The following KIR2DL3 variants were observed in gnomAD, a reference collection of about 807,000 sequenced individuals.
The protein encoded by KIR2DL3 is killer cell immunoglobulin like receptor, two Ig domains and long cytoplasmic tail 3.
Under a neutral mutation model 33.8 loss-of-function variants are expected in KIR2DL3, and 39 were observed. The ratio of observed to expected loss-of-function variants is 1.15; its 90% CI spans 0.89 to 1.51. The LOEUF is 1.51. KIR2DL3 is among the 40% of genes most tolerant of loss of function. KIR2DL3 has a pLI of 0.00. For synonymous variants in KIR2DL3, 174 were observed against 160.2 expected, an observed-to-expected ratio of 1.09 and a Z score of -0.65; for missense variants, 462 against 426.2, an observed-to-expected ratio of 1.08 and a Z score of -0.74.
intron 4 of KIR2DL3, 85 bp from the exon 5 acceptor site, chr19:54,747,250 T>G: frequency 6.5e-7 from 1 of 1,547,736 alleles, no homozygotes; most frequent in Non-Finnish European, 8.9e-7. Context: ...AACAGAGTGT[T>G]GGCCATGAAC....
At chr19:54,744,915 T>G (rs1384731796) in intron 4 of KIR2DL3, among the ~76,000 whole-genome samples, 33 of 40,478 alleles carry the variant, frequency 8.2e-4, no homozygotes, top group African/African-American at 2.5e-3. Flanking sequence ...CACACACATA[T>G]ATAAACATAT....
chr19:54,739,614 C>G (rs1448671981), intron 2 of KIR2DL3, 72 bp downstream of exon 2: 11 of 1,612,136 alleles, frequency 6.8e-6, no homozygotes, highest in Non-Finnish European at 8.5e-6. Flanking sequence ...GGAGGGAAGT[C>G]CTGTCGGGGA....
In KIR2DL3 at chr19:54,747,318, C is replaced by G. The variant is rs746870717; in HGVS notation, c.665-17C>G. ...GACACCCTCATTTCCTCACCTCTCTCCTGTCTCGTGTTCTAGGAAACCCTT... is the reference window on the plus strand; with the variant it reads ...GACACCCTCATTTCCTCACCTCTCTGCTGTCTCGTGTTCTAGGAAACCCTT... On this transcript the variant is annotated splice_polypyrimidine_tract_variant and intron_variant, in intron 4 of 7. Transcript: ENST00000342376. 1 of 1,610,526 alleles carries G rather than the reference C, an allele frequency of 6.2e-7. No homozygotes were observed.
In KIR2DL3 at chr19:54,743,293, G is replaced by A. The variant is rs538121623; in HGVS notation, c.371-502G>A. ...ACAGATAATACGTACAGATAGAGAG[G>A]CAGACAGAAATCATAGAGAGAGAGA... On this transcript the variant is annotated intron_variant, in intron 3 of 7. Transcript: ENST00000342376. 1.8e-4 allele frequency among the ~76,000 whole-genome samples: 27 copies of A among 151,808 alleles called. 1 individual carries two copies. The East Asian group carries it at 4.3e-3, about 24-fold the overall frequency.
At chr19:54,741,804 G>A (rs1215919361) in intron 2 of KIR2DL3, among the ~76,000 whole-genome samples, 176 bp from the exon 3 acceptor site, 1 of 151,844 alleles carries the variant, frequency 6.6e-6, no homozygotes, top group Non-Finnish European at 1.5e-5. Context: ...CAGAGAAGAG[G>A]GAGGGAGACA....
At chr19:54,744,230 T>A in intron 4 of KIR2DL3, 142 bp downstream of exon 4, 1 of 1,364,490 alleles carries the variant, frequency 7.3e-7, no homozygotes, top group Non-Finnish European at 1.0e-6. Flanking sequence ...GGGCACAGGA[T>A]GGCAGACAGG....
At chr19:54,749,618 C>A (rs2073122820) in intron 5 of KIR2DL3, among the ~76,000 whole-genome samples, 1 of 78,460 alleles carries the variant, frequency 1.3e-5, no homozygotes, top group Non-Finnish European at 2.7e-5. Context: ...ATATACAAGT[C>A]TGTGAACAGT....
chr19:54,743,307 TAG>T (rs545360655), intron 3 of KIR2DL3, among the ~76,000 whole-genome samples: 4 of 151,844 alleles, frequency 2.6e-5, no homozygotes, highest in Non-Finnish European at 4.4e-5. Flanking sequence ...ACAGAAATCA[TAG>T]AGAGAGAGAT....
intron 4 of KIR2DL3, among the ~76,000 whole-genome samples, chr19:54,747,094 T>C (rs1332303970): frequency 2.1e-5 from 3 of 144,376 alleles, no homozygotes; most frequent in Admixed American, 1.4e-4. Context: ...GCTGTTTTGC[T>C]TACTACAGCT....
At chr19:54,739,856 G>A (rs955512539) in intron 2 of KIR2DL3, among the ~76,000 whole-genome samples, 3 of 152,218 alleles carry the variant, frequency 2.0e-5, no homozygotes, top group Non-Finnish European at 4.4e-5. Context: ...GGGCTGCAGT[G>A]TGGCTGCTGT....
In KIR2DL3 at chr19:54,739,493, A is replaced by T. The variant is rs201327008; in HGVS notation, c.35-14A>T. On this transcript the variant is annotated splice_polypyrimidine_tract_variant and intron_variant, in intron 1 of 7. Transcript: ENST00000342376. ...GCCTGCAGATGGATGGTCCATCATGATCTTTCTTTCCAGGGTTCTTCTTGC... is the reference window on the plus strand; with the variant it reads ...GCCTGCAGATGGATGGTCCATCATGTTCTTTCTTTCCAGGGTTCTTCTTGC... 1 of 1,512,028 alleles carries T rather than the reference A, an allele frequency of 6.6e-7. No individual in the cohort carries two copies. Among genetic ancestry groups the T allele is most frequent in the Non-Finnish European group, 9.0e-7 (1 of 1,107,626 alleles). The allele number at this position is 1,512,028 out of a possible 1,614,324, so 93.7% of individuals were successfully genotyped here. A position where few individuals can be genotyped will look rare whatever the true frequency, so the allele number is the denominator to read the frequency against.
chr19:54,742,496 A>G (rs1204593004), intron 3 of KIR2DL3, among the ~76,000 whole-genome samples: 1 of 152,046 alleles, frequency 6.6e-6, no homozygotes, highest in Non-Finnish European at 1.5e-5. Context: ...ACAGGGAGTT[A>G]GAAAAGACAG....
rs760742254 is a variant in KIR2DL3 at position 54,739,475 on chromosome 19, G to A, written c.35-32G>A. 13 of 1,613,732 alleles carry A rather than the reference G, an allele frequency of 8.1e-6. No individual in the cohort carries two copies. In the East Asian group the frequency reaches 2.0e-4, roughly 25 times the overall value. On this transcript the variant is annotated intron_variant, in intron 1 of 7. Transcript: ENST00000342376. ...GCAAGGGAGGCCTGGTTTGCCTGCAGATGGATGGTCCATCATGATCTTTCT... is the reference window on the plus strand; with the variant it reads ...GCAAGGGAGGCCTGGTTTGCCTGCAAATGGATGGTCCATCATGATCTTTCT...
rs775420267 is a variant in KIR2DL3, at chr19:54,752,219, C to A, written c.824C>A (p.Ala275Asp). 1 of 1,467,462 alleles carries A rather than the reference C, an allele frequency of 6.8e-7. No homozygotes were observed. The highest frequency in any genetic ancestry group is 9.3e-7 in the Non-Finnish European group (1 of 1,078,362). The allele number at this position is 1,467,462 out of a possible 1,614,324, so 90.9% of individuals were successfully genotyped here. ...LHRWCCNKKNAVVMDQEPAGN... is the reference protein window; with the variant it reads ...LHRWCCNKKNDVVMDQEPAGN... ...TGTTGACTTCCGTCTTCTACAGATG[C>A]TGTTGTAATGGACCAAGAGCCTGCA... Residue 275 changes from alanine to aspartate, a missense_variant, in exon 7 of 8, where the codon GCT becomes GAT. By Grantham distance (126) the Ala-to-Asp change is moderately radical. Transcript: ENST00000342376.
rs775754849 is a variant in KIR2DL3 at position 54,752,238 on chromosome 19, GC to G, written c.845del (p.Pro282LeufsTer7). ...KKNAVVMDQE[P>X]AGNRTVNRED... The stretch of plus-strand genomic sequence containing the variant: ...CAGATGCTGTTGTAATGGACCAAGA[GC>G]CTGCAGGGAACAGAACAGTGAACAG... On this transcript the variant is annotated frameshift_variant, in exon 7 of 8. Coordinates refer to ENST00000342376, the MANE Select transcript of KIR2DL3 (RefSeq NM_015868.3). LOFTEE classifies it low-confidence loss of function (END_TRUNC). The G allele has an allele frequency of 1.0e-5, 15 of 1,474,916 alleles. 2 individuals are homozygous for G. Among genetic ancestry groups the G allele is most frequent in the Non-Finnish European group, 1.1e-5 (12 of 1,082,292 alleles). 91.4% of individuals were successfully genotyped at this position (1,474,916 alleles called of 1,614,324 possible).
At chr19:54,742,985 G>C (rs2071469049) in intron 3 of KIR2DL3, among the ~76,000 whole-genome samples, 1 of 152,154 alleles carries the variant, frequency 6.6e-6, no homozygotes, top group African/African-American at 2.4e-5. Context: ...AGAGAGAAAA[G>C]AGGGCAGAGG....
At chr19:54,741,405 G>A (rs78463751) in intron 2 of KIR2DL3, among the ~76,000 whole-genome samples, 3 of 151,616 alleles carry the variant, frequency 2.0e-5, no homozygotes, top group African/African-American at 7.3e-5. Context: ...GATCAGCAAG[G>A]GTGGGATGAT....
chr19:54,744,312 A>T (rs1259114042), intron 4 of KIR2DL3, among the ~76,000 whole-genome samples: 6 of 152,154 alleles, frequency 3.9e-5, no homozygotes, highest in African/African-American at 1.4e-4. Flanking sequence ...AGGCAGATGG[A>T]GAAAACGGTC....
intron 5 of KIR2DL3, among the ~76,000 whole-genome samples, chr19:54,748,588 T>C (rs2072932619): frequency 6.7e-6 from 1 of 148,864 alleles, no homozygotes; most frequent in African/African-American, 2.5e-5. Flanking sequence ...GAATGATCCA[T>C]TGGGAAGCAT....
Sources: gnomAD v4.1 joint callset for allele counts (sites outside exome capture counted in the v4.1 genomes callset) on GRCh38, gnomAD v4.1.1 for gene constraint, MANE v1.5 for transcripts, NCBI Gene and HGNC (gene_info 2026-07-23, HGNC 2026-07-21) for gene names.